PRKG1: variants seen among roughly 807,000 people sequenced by gnomAD.
PRKG1 encodes the protein cGMP-dependent protein kinase 1.
PRKG1 carries 35 observed loss-of-function variants against 88.1 expected under a neutral mutation model. The observed-to-expected ratio is 0.40, with a 90% CI of 0.30 to 0.53. The LOEUF (loss-of-function observed/expected upper bound fraction) is 0.53. Among genes scored for constraint, PRKG1 ranks in the 20% least tolerant of loss-of-function variants. PRKG1 has a pLI of 0.59. For missense variants in PRKG1, 540 were observed against 839.8 expected, an observed-to-expected ratio of 0.64 and a Z score of 4.41; for synonymous variants, 303 against 292.5, an observed-to-expected ratio of 1.04 and a Z score of -0.37.
At chr10:51,318,925 G>A (rs894784692) in intron 2 of PRKG1, among the ~76,000 whole-genome samples, 9 of 152,040 alleles carry the variant, frequency 5.9e-5, no homozygotes, top group Non-Finnish European at 1.0e-4. Flanking sequence ...GTCTTAAGTC[G>A]GGACATTTCC....
chr10:51,804,793 C>T, intron 4 of PRKG1, 103 bp downstream of exon 4: 1 of 744,174 alleles, frequency 1.3e-6, no homozygotes, highest in Non-Finnish European at 2.3e-6. Flanking sequence ...GCCTTTCTCT[C>T]AGTCATAATA....
At chr10:51,283,142 C>T (rs1049824286) in intron 2 of PRKG1, among the ~76,000 whole-genome samples, 6 of 151,876 alleles carry the variant, frequency 4.0e-5, no homozygotes, top group African/African-American at 1.5e-4. Context: ...TTCCAATTGC[C>T]AGAACCATTG....
At chr10:51,948,484 A>C (rs913952386) in intron 5 of PRKG1, among the ~76,000 whole-genome samples, 3 of 151,846 alleles carry the variant, frequency 2.0e-5, no homozygotes, top group African/African-American at 7.3e-5. Context: ...TTTGGATTTC[A>C]TGTGATTCAG....
chr10:51,889,167 G>A (rs867830747), intron 4 of PRKG1, among the ~76,000 whole-genome samples: 9 of 149,436 alleles, frequency 6.0e-5, no homozygotes, highest in South Asian at 2.1e-4. Flanking sequence ...CCATTAACTC[G>A]TCATTTACAT....
intron 3 of PRKG1, among the ~76,000 whole-genome samples, chr10:51,634,958 A>G (rs1292373927): frequency 6.6e-6 from 1 of 152,090 alleles, no homozygotes; most frequent in Non-Finnish European, 1.5e-5. Flanking sequence ...GGGTGGGAGG[A>G]AGCTAAGGAT....
chr10:51,392,287 A>G (rs1837425181), intron 2 of PRKG1, among the ~76,000 whole-genome samples: 1 of 151,982 alleles, frequency 6.6e-6, no homozygotes, highest in South Asian at 2.1e-4. Context: ...GGCCTTCCGC[A>G]GTGTTTGTGT....
chr10:51,594,505 T>C (rs1405247481), intron 3 of PRKG1, among the ~76,000 whole-genome samples: 1 of 152,248 alleles, frequency 6.6e-6, no homozygotes, highest in East Asian at 1.9e-4. Context: ...TTTAGTGCAA[T>C]GTGCAAAATT....
intron 3 of PRKG1, among the ~76,000 whole-genome samples, chr10:51,645,335 A>G (rs1362263408): frequency 3.9e-5 from 6 of 152,230 alleles, no homozygotes; most frequent in Non-Finnish European, 1.5e-5. Context: ...CAGCATTTCA[A>G]GCCATATTAA....
chr10:51,735,887 T>TA (rs1564626598), intron 3 of PRKG1, among the ~76,000 whole-genome samples: 3 of 125,966 alleles, frequency 2.4e-5, no homozygotes, highest in East Asian at 2.5e-4. Flanking sequence ...ATATGTATAT[T>TA]TATTTATTTA....
chr10:51,580,048 T>C (rs943024100), intron 3 of PRKG1, among the ~76,000 whole-genome samples: 1 of 152,166 alleles, frequency 6.6e-6, no homozygotes, highest in Non-Finnish European at 1.5e-5. Context: ...ATCTTTCTCA[T>C]CCACATTCTC....
chr10:51,151,179 T>G (rs1298153958), intron 1 of PRKG1, among the ~76,000 whole-genome samples: 1 of 149,152 alleles, frequency 6.7e-6, no homozygotes, highest in Non-Finnish European at 1.5e-5. Flanking sequence ...GAAAACGTAA[T>G]GCAATTTGAC....
intron 9 of PRKG1, among the ~76,000 whole-genome samples, chr10:52,227,726 C>CTTA (rs1185823411): frequency 6.6e-6 from 1 of 152,094 alleles, no homozygotes; most frequent in Admixed American, 6.6e-5. Context: ...GAAACATCTT[C>CTTA]TATAAGCAGC....
chr10:51,732,009 C>G (rs1487504088), intron 3 of PRKG1, among the ~76,000 whole-genome samples: 6 of 135,972 alleles, frequency 4.4e-5, no homozygotes, highest in Admixed American at 1.4e-4. Context: ...CCCTCCGCCC[C>G]CGTCCCTCCC....
intron 1 of PRKG1, among the ~76,000 whole-genome samples, chr10:51,152,843 A>G (rs1846107448): frequency 6.6e-6 from 1 of 151,952 alleles, no homozygotes. Context: ...GTATGTATCC[A>G]TTGGTTTTCT....
intron 2 of PRKG1, among the ~76,000 whole-genome samples, chr10:51,228,846 C>A (rs954095344): frequency 6.6e-6 from 1 of 152,210 alleles, no homozygotes; most frequent in Non-Finnish European, 1.5e-5. Flanking sequence ...ACTAATAAAG[C>A]CCTACGTGGC....
chr10:51,566,496 A>G (rs974300984), intron 3 of PRKG1, among the ~76,000 whole-genome samples: 6 of 152,126 alleles, frequency 3.9e-5, no homozygotes, highest in African/African-American at 7.2e-5. Context: ...AATTGATGTA[A>G]TGGAACTAGC....
intron 14 of PRKG1, among the ~76,000 whole-genome samples, chr10:52,288,005 A>G (rs2132458647): frequency 6.6e-6 from 1 of 152,292 alleles, no homozygotes; most frequent in African/African-American, 2.4e-5. Context: ...AAGTACAATA[A>G]GTGGCATAAG....
intron 3 of PRKG1, among the ~76,000 whole-genome samples, chr10:51,652,123 A>T (rs1840053971): frequency 6.6e-6 from 1 of 152,136 alleles, no homozygotes; most frequent in Non-Finnish European, 1.5e-5. Context: ...CTTCTTCTGG[A>T]AAGAAAAGCT....
At chr10:51,719,676 G>A (rs899429523) in intron 3 of PRKG1, among the ~76,000 whole-genome samples, 7 of 152,184 alleles carry the variant, frequency 4.6e-5, no homozygotes, top group Non-Finnish European at 1.0e-4. Context: ...TAATATAGAT[G>A]TACCCATTTT....
Sources: allele counts gnomAD v4.1 joint callset (sites outside exome capture counted in the v4.1 genomes callset), GRCh38; gene constraint gnomAD v4.1.1; transcripts MANE v1.5; gene names NCBI Gene and HGNC (gene_info 2026-07-23, HGNC 2026-07-21).